The following DDIT4L variants were observed in gnomAD, a reference collection of about 807,000 sequenced individuals.
DDIT4L encodes DNA damage inducible transcript 4 like.
DDIT4L carries 13 observed loss-of-function variants against 15.9 expected under a neutral mutation model. The observed-to-expected ratio is 0.82, with a 90% CI of 0.53 to 1.30. The LOEUF is 1.30. Ranked by LOEUF, DDIT4L falls within the 50% of genes most tolerant of loss-of-function variation. The pLI is 0.00. For missense variants in DDIT4L, 235 were observed against 224.8 expected, an observed-to-expected ratio of 1.05 and a Z score of -0.29; for synonymous variants, 82 against 85.4, an observed-to-expected ratio of 0.96 and a Z score of 0.22.
In DDIT4L at chr4:100,190,226, G is replaced by T. The variant is rs80249298; in HGVS notation, c.-50+77C>A. 2.4e-3 allele frequency: 1,224 copies of T among 507,114 alleles called. 17 individuals are homozygous for T. The highest frequency in any genetic ancestry group is 0.022 in the African/African-American group (1,114 of 50,290). The allele number at this position is 507,114 out of a possible 1,614,324, so 31.4% of individuals were successfully genotyped here. On this transcript the variant is annotated intron_variant, in intron 1 of 2. Transcript: ENST00000273990. ...CAACCTGAAACTAACTCAACAGTTC[G>T]CAAAACTTGGAAGCGACCTGCCCCG...
rs1035199218 is a variant in DDIT4L, at chr4:100,186,956, T to C, written c.*721A>G. 2.0e-5 allele frequency: 3 copies of C among 152,202 alleles called. No individual in the cohort carries two copies. Among genetic ancestry groups the C allele is most frequent in the African/African-American group, 7.2e-5 (3 of 41,458 alleles). 9.4% of individuals were successfully genotyped at this position (152,202 alleles called of 1,614,324 possible). ...TTGCATTTTTCTAGTTTAAAGACAG[T>C]ATTCAACACTTAAGAACAGGGGAAA... is the stretch of plus-strand genomic sequence containing the variant. On this transcript the variant is annotated 3_prime_UTR_variant, in exon 3 of 3. Coordinates refer to ENST00000273990, the MANE Select transcript of DDIT4L (RefSeq NM_145244.4).
rs887569801 is a variant in DDIT4L, at chr4:100,187,794, A to G, written c.465T>C (p.Phe155=). The change falls in exon 3 of 3, where the codon TTT becomes TTC. Residue 155 remains phenylalanine, a synonymous_variant. Coordinates refer to ENST00000273990, the MANE Select transcript of DDIT4L (RefSeq NM_145244.4). ...AACCAGAGGAGAAGCGACCTCTACT[A>G]AAGAAAAAGTCCCTGAAGCTAGTCC... The part of the protein sequence containing the change: ...CSWTSFRDFF[F]SRGRFSSGFR... 5.6e-6 allele frequency: 9 copies of G among 1,613,434 alleles called. No homozygotes were observed. Among genetic ancestry groups the G allele is most frequent in the Non-Finnish European group, 6.8e-6 (8 of 1,179,894 alleles).
At chr4:100,189,423 C>T (rs1187992003) in intron 2 of DDIT4L, among the ~76,000 whole-genome samples, 1 of 152,072 alleles carries the variant, frequency 6.6e-6, no homozygotes, top group Non-Finnish European at 1.5e-5. Context: ...GGGAAAGAAA[C>T]CAGACACAAA....
Position 100,189,880 on chromosome 4 carries a change from C to T in DDIT4L, c.91+13G>A, listed in dbSNP as rs184564824. ...CTTGGGAGGGGAGAAGGGTGGACAG[C>T]GGGGACACTCACCACTTAGCAGGCT... On this transcript the variant is annotated intron_variant, in intron 2 of 2. Transcript: ENST00000273990. The T allele has an allele frequency of 3.7e-6, 6 of 1,612,856 alleles. No homozygotes were observed. Among genetic ancestry groups the T allele is most frequent in the Admixed American group, 1.7e-5 (1 of 59,928 alleles).
rs1011292733 is a variant in DDIT4L, at chr4:100,187,037, G to A, written c.*640C>T. The A allele has an allele frequency of 4.6e-5, 7 of 152,192 alleles. No individual in the cohort carries two copies. Among genetic ancestry groups the A allele is most frequent in the African/African-American group, 1.7e-4 (7 of 41,444 alleles). The allele number at this position is 152,192 out of a possible 1,614,324, so 9.4% of individuals were successfully genotyped here. On this transcript the variant is annotated 3_prime_UTR_variant, in exon 3 of 3. Transcript: ENST00000273990. ...CGTGGTTACTGAAATGGCACCACAA[G>A]CTTTTGTTGCCTCTTTAAAACATTA...
chr4:100,189,969 G>T lies in DDIT4L; in HGVS notation c.15C>A (p.Gly5=), dbSNP rs1208743684. 1.9e-6 allele frequency: 3 copies of T among 1,613,980 alleles called. No individual in the cohort carries two copies. The African/African-American group carries it at 4.0e-5, about 22-fold the overall frequency. The change falls in exon 2 of 3, where the codon GGC becomes GGA. Residue 5 remains glycine (G), a synonymous_variant. Transcript: ENST00000273990. ...TGGCCGGGTTCTTGCTGCTCAAACT[G>T]CCAGTTGCAACCATGGTCAACGGCT... MVAT[G]SLSSKNPASI... is the part of the protein sequence containing the mutation.
Position 100,188,220 on chromosome 4 carries a change from G to GA in DDIT4L, c.92-54dup, listed in dbSNP as rs1272359525. ...ATACAGAAGAAAAAATTTAAGAGTA[G>GA]AAAAAAAACACCAAGATATCAACAT... is the stretch of plus-strand genomic sequence containing the variant. On this transcript the variant is annotated intron_variant, in intron 2 of 2. Coordinates refer to ENST00000273990, the MANE Select transcript of DDIT4L (RefSeq NM_145244.4). 713 of 1,532,458 alleles carry GA rather than the reference G, an allele frequency of 4.7e-4. 3 individuals carry two copies. In the African/African-American group the frequency reaches 8.3e-3, roughly 18 times the overall value. The allele number at this position is 1,532,458 out of a possible 1,614,324, so 94.9% of individuals were successfully genotyped here. A position where few individuals can be genotyped will look rare whatever the true frequency, so the allele number is the denominator to read the frequency against.
At position 100,187,547 on chromosome 4, in the gene DDIT4L, CAGAA is replaced by C; in HGVS notation, c.*126_*129del. The C allele has an allele frequency of 9.5e-7, 1 of 1,050,256 alleles. No homozygotes were observed. Among genetic ancestry groups the C allele is most frequent in the South Asian group, 2.1e-5 (1 of 48,550 alleles). The allele number at this position is 1,050,256 out of a possible 1,614,324, so 65.1% of individuals were successfully genotyped here. ...CTGCAGTTGCTATGAATGTGAAACA[CAGAA>C]AGAAAAGAGACTACATTTGGGGTTT... On this transcript the variant is annotated 3_prime_UTR_variant, in exon 3 of 3. Transcript: ENST00000273990.
rs1442790711 is a variant in DDIT4L, at chr4:100,186,646, T to A, written c.*1031A>T. 1 of 152,138 alleles carries A rather than the reference T, an allele frequency of 6.6e-6. No individual in the cohort carries two copies. Among genetic ancestry groups the A allele is most frequent in the East Asian group, 1.9e-4 (1 of 5,194 alleles). 9.4% of individuals were successfully genotyped at this position (152,138 alleles called of 1,614,324 possible). A position where few individuals can be genotyped will look rare whatever the true frequency, so the allele number is the denominator to read the frequency against. On this transcript the variant is annotated 3_prime_UTR_variant, in exon 3 of 3. Coordinates refer to ENST00000273990, the MANE Select transcript of DDIT4L (RefSeq NM_145244.4). ...CATAGCCAATGCAGACTTCGTAAAT[T>A]GACCCGTTTCAATAATTCAAAGTGG...
At chr4:100,188,513 A>G (rs1723461737) in intron 2 of DDIT4L, among the ~76,000 whole-genome samples, 2 of 152,076 alleles carry the variant, frequency 1.3e-5, no homozygotes, top group South Asian at 4.1e-4. Flanking sequence ...ATTATTGGTG[A>G]TTTTCTTTTC....
Position 100,187,911 on chromosome 4 carries a change from A to G in DDIT4L, c.348T>C (p.Asn116=). 6.2e-7 allele frequency: 1 copy of G among 1,613,958 alleles called. No individual in the cohort carries two copies. The highest frequency in any genetic ancestry group is 8.5e-7 in the Non-Finnish European group (1 of 1,180,022). ...CAATCCTATCCAGCTTTTTACATACATTTTCAATTTCCAAGTTCACGTGCA... is the reference window on the plus strand; with the variant it reads ...CAATCCTATCCAGCTTTTTACATACGTTTTCAATTTCCAAGTTCACGTGCA... ...CVMHVNLEIE[N]VCKKLDRIVC... is the part of the protein sequence containing the mutation. Residue 116 remains asparagine (N), a synonymous_variant, in exon 3 of 3, where the codon AAT becomes AAC. Coordinates refer to ENST00000273990, the MANE Select transcript of DDIT4L (RefSeq NM_145244.4).
chr4:100,188,220 GAA>G (rs1272359525), intron 2 of DDIT4L, 53 bp from the exon 3 acceptor site: 1 of 1,532,556 alleles, frequency 6.5e-7, no homozygotes, highest in Non-Finnish European at 8.7e-7. Flanking sequence ...TTTAAGAGTA[GAA>G]AAAAAACACC....
At chr4:100,189,775 T>A (rs879313997) in intron 2 of DDIT4L, 118 bp downstream of exon 2, 29 of 863,392 alleles carry the variant, frequency 3.4e-5, no homozygotes, top group Admixed American at 1.1e-4. Flanking sequence ...TCTCCTCAGA[T>A]GGATTTTGTG....
chr4:100,188,248 G>A, intron 2 of DDIT4L, 81 bp from the exon 3 acceptor site: 16 of 1,416,530 alleles, frequency 1.1e-5, no homozygotes, highest in Non-Finnish European at 1.5e-5. Flanking sequence ...ATCAACATTG[G>A]TTACCTCTAT....
Position 100,186,070 on chromosome 4 carries a change from C to G in DDIT4L, c.*1607G>C, listed in dbSNP as rs938701128. The G allele has an allele frequency of 1.3e-5, 2 of 152,222 alleles. No individual in the cohort carries two copies. Among genetic ancestry groups the G allele is most frequent in the African/African-American group, 4.8e-5 (2 of 41,440 alleles). 9.4% of individuals were successfully genotyped at this position (152,222 alleles called of 1,614,324 possible). On this transcript the variant is annotated 3_prime_UTR_variant, in exon 3 of 3. Transcript: ENST00000273990. ...AGCCTTGCCCAGTCAGTGGTGACAA[C>G]TCCAGGACAGCGGCAGAAACACAGT...
chr4:100,190,249 C>T, intron 1 of DDIT4L, 54 bp downstream of exon 1: 1 of 459,598 alleles, frequency 2.2e-6, no homozygotes. Flanking sequence ...GCGACCTGCC[C>T]CGCGGAGCGC....
In DDIT4L at chr4:100,185,983, C is replaced by A. The variant is rs1430342733; in HGVS notation, c.*1694G>T. 1 of 152,124 alleles carries A rather than the reference C, an allele frequency of 6.6e-6. No individual in the cohort carries two copies. Among genetic ancestry groups the A allele is most frequent in the East Asian group, 1.9e-4 (1 of 5,190 alleles). The allele number at this position is 152,124 out of a possible 1,614,324, so 9.4% of individuals were successfully genotyped here. ...ATCACCATTTTGTAAGCATAACAGG[C>A]AAGAGAGTCAAAGATAACTGTTAGT... On this transcript the variant is annotated 3_prime_UTR_variant, in exon 3 of 3. Transcript: ENST00000273990.
rs995627512 is a variant in DDIT4L, at chr4:100,186,086, G to C, written c.*1591C>G. ...TGGTGACAACTCCAGGACAGCGGCAGAAACACAGTGAACCTTTGGAGCTTA... is the reference window on the plus strand; with the variant it reads ...TGGTGACAACTCCAGGACAGCGGCACAAACACAGTGAACCTTTGGAGCTTA... On this transcript the variant is annotated 3_prime_UTR_variant, in exon 3 of 3. Transcript: ENST00000273990. 5 of 152,184 alleles carry C rather than the reference G, an allele frequency of 3.3e-5. No individual in the cohort carries two copies. Among genetic ancestry groups the C allele is most frequent in the African/African-American group, 1.2e-4 (5 of 41,442 alleles). The allele number at this position is 152,184 out of a possible 1,614,324, so 9.4% of individuals were successfully genotyped here.
intron 2 of DDIT4L, 134 bp from the exon 3 acceptor site, chr4:100,188,301 T>G (rs879488542): frequency 3.4e-5 from 32 of 930,282 alleles, no homozygotes; most frequent in Non-Finnish European, 4.9e-5. Context: ...CAGAGTCAGC[T>G]GACCTCAATT....
Sources: allele counts gnomAD v4.1 joint callset (sites outside exome capture counted in the v4.1 genomes callset), GRCh38; gene constraint gnomAD v4.1.1; transcripts MANE v1.5; gene names NCBI Gene and HGNC (gene_info 2026-07-23, HGNC 2026-07-21).